Variants in KIF21A observed in about 807,000 individuals in gnomAD.
KIF21A encodes the protein kinesin family member 21A, also known as kinesin-like protein KIF21A.
Under a neutral mutation model 202.9 loss-of-function variants are expected in KIF21A, and 114 were observed. The observed-to-expected ratio is 0.56, with a 90% CI of 0.48 to 0.66. The LOEUF (loss-of-function observed/expected upper bound fraction) is 0.66. KIF21A is among the 30% of genes least tolerant of loss of function. KIF21A has a pLI of 0.00. For missense variants in KIF21A, 1,677 were observed against 1,994.9 expected (o/e 0.84, Z 3.04); for synonymous variants, 667 against 670.8 (o/e 0.99, Z 0.09).
chr12:39,355,710 TATA>T, intron 10 of KIF21A, among the ~76,000 whole-genome samples: 1 of 72,204 alleles, frequency 1.4e-5, no homozygotes, highest in South Asian at 4.2e-4. Context: ...TGAACAATTA[TATA>T]TATATATATA....
At chr12:39,430,927 T>C (rs911865635) in intron 1 of KIF21A, among the ~76,000 whole-genome samples, 1 of 152,168 alleles carries the variant, frequency 6.6e-6, no homozygotes, top group Non-Finnish European at 1.5e-5. Flanking sequence ...CATGGTACTA[T>C]GCTGCCAGAA....
Position 39,342,110 on chromosome 12 carries a change from T to C in KIF21A, c.1727A>G (p.Glu576Gly), listed in dbSNP as rs770300950. Residue 576 changes from glutamate (E) to glycine (G), a missense_variant, in exon 13 of 38, where the codon GAG becomes GGG. Physicochemically the swap from Glu to Gly is moderately conservative, Grantham distance 98. Transcript: ENST00000361418. Reference sequence around the variant, plus strand: ...CTCTTGGTCAGTGTCTGTATTATCCTCTTTACCAGCCACACTAAAAAAAGG... The same window carrying C: ...CTCTTGGTCAGTGTCTGTATTATCCCCTTTACCAGCCACACTAAAAAAAGG... ...NREERSVAGK[E>G]DNTDTDQEKK... 5 of 1,609,298 alleles carry C rather than the reference T, an allele frequency of 3.1e-6. No individual in the cohort carries two copies. The East Asian group carries it at 1.1e-4, about 36-fold the overall frequency.
chr12:39,322,430 C>A, intron 27 of KIF21A: 1 of 414,312 alleles, frequency 2.4e-6, no homozygotes, highest in Non-Finnish European at 4.3e-6. Flanking sequence ...AAATTATAAC[C>A]CTTAAGAATG....
intron 10 of KIF21A, among the ~76,000 whole-genome samples, chr12:39,355,430 C>G (rs1387149670): frequency 6.6e-6 from 1 of 151,610 alleles, no homozygotes; most frequent in Admixed American, 6.6e-5. Context: ...TAACAATTGG[C>G]AAGTGCCAAA....
chr12:39,294,105 C>A lies in KIF21A; in HGVS notation c.*319G>T. ...TTCCAGGTGTGTTTTCTGACTGTCACAAAAGCAGACGTCTTGGTAATTCAA... is the reference window on the plus strand; with the variant it reads ...TTCCAGGTGTGTTTTCTGACTGTCAAAAAAGCAGACGTCTTGGTAATTCAA... On this transcript the variant is annotated 3_prime_UTR_variant, in exon 38 of 38. Transcript: ENST00000361418. 3.8e-6 allele frequency: 1 copy of A among 263,262 alleles called. No individual in the cohort carries two copies. Among genetic ancestry groups the A allele is most frequent in the Non-Finnish European group, 7.4e-6 (1 of 135,954 alleles). The allele number at this position is 263,262 out of a possible 1,614,324, so 16.3% of individuals were successfully genotyped here.
chr12:39,433,821 C>T lies in KIF21A; in HGVS notation c.44+9106G>A, dbSNP rs557048945. Among the ~76,000 whole-genome samples, 12 of 151,958 alleles carry T rather than the reference C, an allele frequency of 7.9e-5. No homozygotes were observed. The South Asian group carries it at 1.0e-3, about 13-fold the overall frequency. On this transcript the variant is annotated intron_variant, in intron 1 of 37. Coordinates refer to ENST00000361418, the MANE Select transcript of KIF21A (RefSeq NM_001173464.2). ...TTTATATATTGAAAGCAAAAGAAAA[C>T]GGGGAGACTAGATAGAATAAGGATC...
At chr12:39,430,412 A>G (rs1038353211) in intron 1 of KIF21A, among the ~76,000 whole-genome samples, 11 of 151,874 alleles carry the variant, frequency 7.2e-5, no homozygotes, top group African/African-American at 2.7e-4. Context: ...CTAAAAATAT[A>G]AAAATTAGCC....
At chr12:39,314,189 T>G (rs1042946381) in intron 31 of KIF21A, among the ~76,000 whole-genome samples, 3 of 151,848 alleles carry the variant, frequency 2.0e-5, no homozygotes, top group Admixed American at 6.6e-5. Flanking sequence ...GATAGGAGTT[T>G]CTTATCCCTA....
At chr12:39,411,644 A>G (rs1238597179) in intron 1 of KIF21A, among the ~76,000 whole-genome samples, 1 of 152,134 alleles carries the variant, frequency 6.6e-6, no homozygotes, top group African/African-American at 2.4e-5. Context: ...CTCTTGCCTC[A>G]GCCTCCCAAG....
At chr12:39,405,421 T>C (rs1183017073) in intron 1 of KIF21A, among the ~76,000 whole-genome samples, 1 of 152,050 alleles carries the variant, frequency 6.6e-6, no homozygotes, top group Non-Finnish European at 1.5e-5. Context: ...AGAGATTAAC[T>C]AGAAAAATAA....
At chr12:39,394,265 G>C (rs1951575918) in intron 1 of KIF21A, among the ~76,000 whole-genome samples, 1 of 152,174 alleles carries the variant, frequency 6.6e-6, no homozygotes, top group African/African-American at 2.4e-5. Flanking sequence ...TTACCGTTTT[G>C]AAGCAGAAAA....
At chr12:39,429,366 C>T (rs1190680172) in intron 1 of KIF21A, among the ~76,000 whole-genome samples, 1 of 152,112 alleles carries the variant, frequency 6.6e-6, no homozygotes, top group African/African-American at 2.4e-5. Context: ...TCAAGATATC[C>T]ATTCTATCAT....
At position 39,346,479 on chromosome 12, in the gene KIF21A, G is replaced by A. The variant is rs1024198839; in HGVS notation, c.1699C>T (p.Arg567Ter). ...KRLQKLEESN[R>*]EERSVAGKED... is the part of the protein sequence containing the mutation. The stretch of plus-strand genomic sequence containing the variant: ...AAATATTCCAACCTTCTTTCTTCTC[G>A]ATTGCTTTCCTCAAGTTTCTGTAGC... Residue 567 changes from arginine (R) to a stop codon, truncating the protein, a stop_gained, in exon 12 of 38, where the codon CGA becomes TGA. Coordinates refer to ENST00000361418, the MANE Select transcript of KIF21A (RefSeq NM_001173464.2). LOFTEE classifies it high-confidence loss of function. 2.0e-6 allele frequency: 3 copies of A among 1,472,096 alleles called. No homozygotes were observed. Among genetic ancestry groups the A allele is most frequent in the South Asian group, 2.8e-5 (2 of 70,990 alleles). 91.2% of individuals were successfully genotyped at this position (1,472,096 alleles called of 1,614,324 possible). A position where few individuals can be genotyped will look rare whatever the true frequency, so the allele number is the denominator to read the frequency against.
chr12:39,390,815 A>T (rs1951293872), intron 1 of KIF21A, among the ~76,000 whole-genome samples: 1 of 152,154 alleles, frequency 6.6e-6, no homozygotes, highest in African/African-American at 2.4e-5. Flanking sequence ...TATATGCATT[A>T]TTTTTATTCA....
chr12:39,347,013 TTC>T (rs959493173), intron 11 of KIF21A, among the ~76,000 whole-genome samples: 4 of 152,002 alleles, frequency 2.6e-5, no homozygotes, highest in African/African-American at 9.6e-5. Context: ...AAAACATACT[TTC>T]TGTTTTAATA....
chr12:39,367,015 G>C lies in KIF21A; in HGVS notation c.735+15C>G, dbSNP rs1949647578. 1 of 1,610,262 alleles carries C rather than the reference G, an allele frequency of 6.2e-7. No homozygotes were observed. Among genetic ancestry groups the C allele is most frequent in the Non-Finnish European group, 8.5e-7 (1 of 1,176,554 alleles). ...TAAAAATTGAAAGTTTAAGAAATTA[G>C]AATTAATAACTCACAGCATCTATTT... On this transcript the variant is annotated intron_variant, in intron 5 of 37. Transcript: ENST00000361418.
chr12:39,368,572 A>G (rs933336364), intron 3 of KIF21A, among the ~76,000 whole-genome samples: 2 of 152,098 alleles, frequency 1.3e-5, no homozygotes, highest in Admixed American at 6.6e-5. Context: ...TTTTTCTATC[A>G]ATATGTTTTA....
chr12:39,426,881 T>TAA (rs10718392), intron 1 of KIF21A, among the ~76,000 whole-genome samples: 9 of 133,002 alleles, frequency 6.8e-5, no homozygotes, highest in Non-Finnish European at 9.8e-5. Flanking sequence ...GAGACTCTGT[T>TAA]AAAAAAAAAA....
chr12:39,355,019 T>C (rs895279330), intron 10 of KIF21A, among the ~76,000 whole-genome samples: 2 of 152,180 alleles, frequency 1.3e-5, no homozygotes, highest in African/African-American at 4.8e-5. Context: ...TTTATGCTTA[T>C]CCCATATGTA....
Sources: gnomAD v4.1 joint callset for allele counts (sites outside exome capture counted in the v4.1 genomes callset) on GRCh38, gnomAD v4.1.1 for gene constraint, MANE v1.5 for transcripts, NCBI Gene and HGNC (gene_info 2026-07-23, HGNC 2026-07-21) for gene names.